The following ZC3H4 variants were observed in gnomAD, a reference collection of about 807,000 sequenced individuals.
ZC3H4 encodes the protein zinc finger CCCH domain-containing protein 4.
ZC3H4 carries 13 observed loss-of-function variants against 108.3 expected under a neutral mutation model. The observed-to-expected ratio is 0.12, with a 90% confidence interval of 0.08 to 0.19. The LOEUF is 0.19. Among genes scored for constraint, ZC3H4 ranks in the 10% least tolerant of loss-of-function variants. The pLI, the probability that ZC3H4 is intolerant of heterozygous loss-of-function variation, is 1.00. For synonymous variants in ZC3H4, 917 were observed against 749.6 expected, an observed-to-expected ratio of 1.22 and a Z score of -3.65; for missense variants, 1,734 against 1,838.8, an observed-to-expected ratio of 0.94 and a Z score of 1.04.
chr19:47,071,542 G>C (rs981970662), intron 13 of ZC3H4, among the ~76,000 whole-genome samples: 1 of 152,072 alleles, frequency 6.6e-6, no homozygotes, highest in Admixed American at 6.6e-5. Flanking sequence ...CCGATTCCAG[G>C]CACAGCTTGC....
intron 2 of ZC3H4, among the ~76,000 whole-genome samples, chr19:47,097,257 C>A (rs1360000465): frequency 6.6e-6 from 1 of 152,230 alleles, no homozygotes. Context: ...CAGGCAGTGA[C>A]TACTTGAAAT....
In ZC3H4 at chr19:47,072,064, G is replaced by A; in HGVS notation, c.1860C>T (p.Pro620=). The change falls in exon 13 of 15, where the codon CCC becomes CCT. Residue 620 remains proline (P), a synonymous_variant. Transcript: ENST00000253048. This position sits in a 1 kb window ranked among gnomAD's most constrained non-coding sequence, Gnocchi z 5.6. ...GPMGPGPNMG[P]PGPMGGPMHP... ...GCATTGGACCGCCCATTGGCCCTGGGGGTCCCATGTTGGGCCCAGGGCCCA... is the reference window on the plus strand; with the variant it reads ...GCATTGGACCGCCCATTGGCCCTGGAGGTCCCATGTTGGGCCCAGGGCCCA... 1.3e-6 allele frequency: 2 copies of A among 1,581,438 alleles called. No homozygotes were observed. The highest frequency in any genetic ancestry group is 1.1e-5 in the South Asian group (1 of 87,404).
intron 13 of ZC3H4, 81 bp downstream of exon 13, chr19:47,071,697 A>C (rs573070624): frequency 6.9e-7 from 1 of 1,444,908 alleles, no homozygotes; most frequent in African/African-American, 1.4e-5. Context: ...TGGACGAAGG[A>C]AGAAAAATCA....
intron 11 of ZC3H4, among the ~76,000 whole-genome samples, chr19:47,074,719 G>A (rs986493857): frequency 6.6e-6 from 1 of 152,246 alleles, no homozygotes; most frequent in Admixed American, 6.5e-5. Context: ...TAGGTGAGCA[G>A]CCTAGTGAAA....
chr19:47,088,765 A>C (rs1455112007), intron 5 of ZC3H4, among the ~76,000 whole-genome samples: 3 of 152,124 alleles, frequency 2.0e-5, no homozygotes, highest in African/African-American at 7.2e-5. Flanking sequence ...AGCTGGGACT[A>C]TCCAGTGTCC....
intron 2 of ZC3H4, among the ~76,000 whole-genome samples, chr19:47,105,608 C>A (rs553104421): frequency 6.6e-6 from 1 of 152,232 alleles, no homozygotes; most frequent in East Asian, 1.9e-4. Flanking sequence ...CAAAACAACA[C>A]AAACCAACAA....
At position 47,072,003 on chromosome 19, in the gene ZC3H4, G is replaced by A; in HGVS notation, c.1921C>T (p.His641Tyr). 1 of 1,595,346 alleles carries A rather than the reference G, an allele frequency of 6.3e-7. No individual in the cohort carries two copies. The highest frequency in any genetic ancestry group is 8.5e-7 in the Non-Finnish European group (1 of 1,170,596). Residue 641 changes from histidine (H) to tyrosine (Y), a missense_variant, in exon 13 of 15, where the codon CAC (histidine) becomes TAC (tyrosine). Transcript: ENST00000253048. The surrounding 1 kb of genome is among the most constrained non-coding windows in gnomAD (Gnocchi z 5.6). ...TGCATGTCTGCGTGCATGTCAGGGT[G>A]CATGTCCGGGTGCATGTCGGGGTGC... ...DMHPDMHPDM[H>Y]PDMHADMHAD...
intron 2 of ZC3H4, chr19:47,097,024 C>A (rs2057832664): frequency 1.0e-6 from 1 of 982,726 alleles, no homozygotes; most frequent in Non-Finnish European, 1.2e-6. Context: ...TACTCTACAT[C>A]TAACACCTGC....
At chr19:47,075,729 T>C (rs183031442) in intron 11 of ZC3H4, among the ~76,000 whole-genome samples, 70 of 152,270 alleles carry the variant, frequency 4.6e-4, no homozygotes, top group African/African-American at 1.5e-3. Context: ...CAGAGATTTA[T>C]TGAGTGAACG....
intron 4 of ZC3H4, among the ~76,000 whole-genome samples, chr19:47,091,134 G>A (rs1815705730): frequency 6.6e-6 from 1 of 152,102 alleles, no homozygotes; most frequent in Non-Finnish European, 1.5e-5. Flanking sequence ...ATAGCCGAGT[G>A]TGGGGCAGGC....
intron 2 of ZC3H4, among the ~76,000 whole-genome samples, chr19:47,100,356 A>C (rs563069965): frequency 7.9e-5 from 12 of 152,098 alleles, no homozygotes; most frequent in Non-Finnish European, 1.5e-4. Context: ...CCAAGAACAA[A>C]TGTGCTCTGT....
intron 4 of ZC3H4, 61 bp downstream of exon 4, chr19:47,093,908 GA>G (rs1273541513): frequency 6.8e-7 from 1 of 1,459,956 alleles, no homozygotes; most frequent in Admixed American, 1.8e-5. Flanking sequence ...AAGTGCTCAA[GA>G]AACACAAGCA....
At chr19:47,079,924 G>T (rs1042730495) in intron 11 of ZC3H4, among the ~76,000 whole-genome samples, 8 of 152,038 alleles carry the variant, frequency 5.3e-5, no homozygotes, top group African/African-American at 1.9e-4. Context: ...AGGGCAGCAG[G>T]CTCCCCGGAG....
chr19:47,102,218 T>C (rs2057912856), intron 2 of ZC3H4, among the ~76,000 whole-genome samples: 3 of 152,112 alleles, frequency 2.0e-5, no homozygotes, highest in African/African-American at 7.2e-5. Context: ...AATTTGCCCA[T>C]GGGGTCACAG....
intron 8 of ZC3H4, 136 bp from the exon 9 acceptor site, chr19:47,084,591 A>T: frequency 1.2e-6 from 1 of 812,946 alleles, no homozygotes; most frequent in East Asian, 2.7e-5. Context: ...GGCAGGCTGC[A>T]TCTAACACGG....
At chr19:47,070,142 G>A (rs990522898) in intron 13 of ZC3H4, among the ~76,000 whole-genome samples, 1 of 152,014 alleles carries the variant, frequency 6.6e-6, no homozygotes, top group East Asian at 1.9e-4. Context: ...GGAGGGGGGG[G>A]CGTCTGGAGT....
intron 1 of ZC3H4, among the ~76,000 whole-genome samples, chr19:47,113,030 G>C (rs935516835): frequency 6.6e-6 from 1 of 152,256 alleles, no homozygotes; most frequent in Non-Finnish European, 1.5e-5. Context: ...AACGGGCCGC[G>C]GAGACGGGCC....
rs747585942 is a variant in ZC3H4, at chr19:47,085,215, T to A, written c.968-20A>T. 8.2e-5 allele frequency: 131 copies of A among 1,591,684 alleles called. 1 individual carries two copies. The highest frequency in any genetic ancestry group is 1.2e-4 in the South Asian group (11 of 89,876). On this transcript the variant is annotated intron_variant, in intron 7 of 14. Coordinates refer to ENST00000253048, the MANE Select transcript of ZC3H4 (RefSeq NM_015168.2). ...TTAGCCCTGTGGAGGGGAGATTGTG[T>A]GAAGACCTGCTGACCACCCCCTCCC...
chr19:47,111,049 G>C (rs1462722233), intron 2 of ZC3H4: 1 of 386,708 alleles, frequency 2.6e-6, no homozygotes, highest in East Asian at 1.6e-4. Context: ...AGACCCCCCG[G>C]CTAAGGAAGG....
Sources: allele counts gnomAD v4.1 joint callset (sites outside exome capture counted in the v4.1 genomes callset), GRCh38; gene constraint gnomAD v4.1.1; non-coding constraint Gnocchi (gnomAD v3.1); transcripts MANE v1.5; gene names NCBI Gene and HGNC (gene_info 2026-07-23, HGNC 2026-07-21).